The following OR2L13 variants were observed in gnomAD, a reference collection of about 807,000 sequenced individuals.
OR2L13 encodes olfactory receptor 2L13.
A neutral mutation model predicts 15.3 loss-of-function variants in OR2L13; 14 were observed. The observed-to-expected ratio is 0.91, with a 90% CI of 0.60 to 1.43. The LOEUF (loss-of-function observed/expected upper bound fraction) is 1.43, where lower values mean the gene tolerates loss of function less well. Ranked by LOEUF, OR2L13 falls within the 40% of genes most tolerant of loss-of-function variation. The pLI is 0.00. For missense variants in OR2L13, 367 were observed against 387.9 expected, an observed-to-expected ratio of 0.95 and a Z score of 0.45; for synonymous variants, 152 against 142.9, an observed-to-expected ratio of 1.06 and a Z score of -0.45.
chr1:247,965,958 G>A, the OR2L13 span: 1 of 1,608,926 alleles, frequency 6.2e-7, no homozygotes, highest in East Asian at 2.2e-5. Flanking sequence ...ACACCTCCCA[G>A]TATGAGTATA....
the OR2L13 span, chr1:248,038,928 C>A: frequency 6.2e-7 from 1 of 1,614,156 alleles, no homozygotes; most frequent in Non-Finnish European, 8.5e-7. Context: ...TGGCCGGGTT[C>A]TCCTTGCTGT....
chr1:248,038,407 T>G, the OR2L13 span: 1 of 1,613,782 alleles, frequency 6.2e-7, no homozygotes, highest in Non-Finnish European at 8.5e-7. Context: ...ATGATTCTTC[T>G]CATCTTTTTG....
chr1:248,086,610 T>C, the OR2L13 span, among the ~76,000 whole-genome samples: 1 of 152,038 alleles, frequency 6.6e-6, no homozygotes, highest in African/African-American at 2.4e-5. Context: ...GATTTTTTGG[T>C]GTTTTAAATA....
the OR2L13 span, among the ~76,000 whole-genome samples, chr1:247,989,922 T>C: frequency 7.2e-5 from 11 of 152,190 alleles, no homozygotes; most frequent in South Asian, 1.9e-3. Flanking sequence ...CATTTTATCT[T>C]CCCCTGAAGC....
At chr1:248,051,756 G>C in the OR2L13 span, among the ~76,000 whole-genome samples, 1 of 149,724 alleles carries the variant, frequency 6.7e-6, no homozygotes, top group Non-Finnish European at 1.5e-5. Context: ...GTCTGTTCAA[G>C]TGTCTGCTTT....
the OR2L13 span, chr1:248,039,848 A>T: frequency 1.3e-5 from 2 of 152,168 alleles, no homozygotes; most frequent in Non-Finnish European, 2.9e-5. Context: ...TCTTTTTCTT[A>T]AAGTAATGTT....
chr1:248,009,343 C>T, the OR2L13 span, among the ~76,000 whole-genome samples: 5,642 of 152,090 alleles, frequency 0.037, 313 homozygotes, highest in African/African-American at 0.13. Flanking sequence ...AAGGGGATAT[C>T]ACCACTGATC....
chr1:247,970,511 C>A, the OR2L13 span, among the ~76,000 whole-genome samples: 2 of 152,088 alleles, frequency 1.3e-5, no homozygotes, highest in Non-Finnish European at 2.9e-5. Context: ...TTCCCCCTTT[C>A]TTTTGGGTTA....
chr1:247,954,855 C>T, the OR2L13 span, among the ~76,000 whole-genome samples: 2 of 152,020 alleles, frequency 1.3e-5, no homozygotes, highest in Non-Finnish European at 2.9e-5. Flanking sequence ...AAGACTTTCT[C>T]AAAATTACAA....
chr1:248,017,132 C>T, the OR2L13 span, among the ~76,000 whole-genome samples: 1 of 152,194 alleles, frequency 6.6e-6, no homozygotes, highest in Non-Finnish European at 1.5e-5. Context: ...ATCATTAATG[C>T]TGATGCCCAG....
At chr1:248,016,478 A>T in the OR2L13 span, among the ~76,000 whole-genome samples, 1 of 152,298 alleles carries the variant, frequency 6.6e-6, no homozygotes, top group South Asian at 2.1e-4. Context: ...AGGAAACATA[A>T]GAAGTTTAAA....
At chr1:247,977,156 A>G in the OR2L13 span, among the ~76,000 whole-genome samples, 6 of 152,176 alleles carry the variant, frequency 3.9e-5, no homozygotes, top group South Asian at 1.0e-3. Flanking sequence ...TCCTCTTCAC[A>G]TGCCCAGATG....
chr1:247,948,945 A>T, the OR2L13 span: 1 of 1,613,582 alleles, frequency 6.2e-7, no homozygotes, highest in South Asian at 1.1e-5. Flanking sequence ...CTTCATTCTC[A>T]TTGTTTTCAT....
the OR2L13 span, chr1:247,991,180 C>T: frequency 6.2e-7 from 1 of 1,601,564 alleles, no homozygotes; most frequent in Non-Finnish European, 8.5e-7. Context: ...ACGAGTGATT[C>T]AGAAAATCTT....
chr1:248,012,442 TAA>T, the OR2L13 span, among the ~76,000 whole-genome samples: 9 of 152,154 alleles, frequency 5.9e-5, no homozygotes, highest in Non-Finnish European at 1.2e-4. Flanking sequence ...TCATGACCCA[TAA>T]AGTCTTTCTT....
At chr1:248,061,099 T>C in the OR2L13 span, 2 of 1,613,774 alleles carry the variant, frequency 1.2e-6, no homozygotes, top group Non-Finnish European at 1.7e-6. Context: ...CAAAAGAATG[T>C]GTGTGCTGAT....
At chr1:248,056,137 T>G in the OR2L13 span, among the ~76,000 whole-genome samples, 4 of 152,202 alleles carry the variant, frequency 2.6e-5, no homozygotes, top group Non-Finnish European at 5.9e-5. Context: ...TGTTTCTGAT[T>G]GTGTTCATTG....
At chr1:248,067,809 G>C in the OR2L13 span, among the ~76,000 whole-genome samples, 1 of 152,196 alleles carries the variant, frequency 6.6e-6, no homozygotes, top group Non-Finnish European at 1.5e-5. Context: ...GCGCTTTTCC[G>C]ACGGGCTTAA....
At chr1:248,026,137 T>C in the OR2L13 span, among the ~76,000 whole-genome samples, 1 of 152,148 alleles carries the variant, frequency 6.6e-6, no homozygotes, top group Admixed American at 6.6e-5. Context: ...TATAAGTGTG[T>C]CTATGTAAAA....
Sources: gnomAD v4.1 joint callset for allele counts (sites outside exome capture counted in the v4.1 genomes callset) on GRCh38, gnomAD v4.1.1 for gene constraint, MANE v1.5 for transcripts, NCBI Gene and HGNC (gene_info 2026-07-23, HGNC 2026-07-21) for gene names.